CFTR: variants seen among roughly 807,000 people sequenced by gnomAD.
The protein encoded by CFTR is CF transmembrane conductance regulator.
In CFTR, 181 loss-of-function variants were observed where a neutral mutation model predicts 171.6. The observed-to-expected ratio is 1.05, with a 90% CI of 0.93 to 1.19. The LOEUF (loss-of-function observed/expected upper bound fraction) is 1.19. Among genes scored for constraint, CFTR ranks in the 50% most tolerant of loss-of-function variants. The pLI is 0.00. For synonymous variants in CFTR, 583 were observed against 608.0 expected, an observed-to-expected ratio of 0.96 and a Z score of 0.60; for missense variants, 1,968 against 1,734.7, an observed-to-expected ratio of 1.13 and a Z score of -2.39.
intron 1 of CFTR, among the ~76,000 whole-genome samples, chr7:117,488,144 A>T (rs189862686): frequency 1.7e-3 from 265 of 152,284 alleles, no homozygotes; most frequent in Admixed American, 2.6e-3. Context: ...TTTGTGGGCC[A>T]CATAAGTCTC....
intron 11 of CFTR, among the ~76,000 whole-genome samples, chr7:117,561,634 A>C (rs1378399284): frequency 6.6e-6 from 1 of 152,180 alleles, no homozygotes; most frequent in East Asian, 1.9e-4. Flanking sequence ...TCATTCAGCA[A>C]ATATTTATTA....
At chr7:117,620,642 G>T (rs1056608731) in intron 21 of CFTR, among the ~76,000 whole-genome samples, 5 of 152,106 alleles carry the variant, frequency 3.3e-5, no homozygotes, top group Admixed American at 2.0e-4. Context: ...CTAAGGGATT[G>T]CTAGAATGTT....
intron 25 of CFTR, among the ~76,000 whole-genome samples, 191 bp downstream of exon 25, chr7:117,665,051 C>T (rs533608013): frequency 5.9e-4 from 90 of 152,278 alleles, no homozygotes; most frequent in Non-Finnish European, 1.1e-3. Flanking sequence ...TGTTTTCTTC[C>T]GAAGATAGTT....
intron 9 of CFTR, among the ~76,000 whole-genome samples, chr7:117,546,435 T>C (rs558728069): frequency 6.6e-6 from 1 of 152,274 alleles, no homozygotes; most frequent in East Asian, 1.9e-4. Context: ...GCAGCTGACC[T>C]GTATATATGA....
chr7:117,646,584 C>T (rs756784633), intron 23 of CFTR, among the ~76,000 whole-genome samples: 2 of 151,964 alleles, frequency 1.3e-5, no homozygotes, highest in Middle Eastern at 3.2e-3. Context: ...CATGGCTTCA[C>T]GAGGAATGGG....
intron 24 of CFTR, among the ~76,000 whole-genome samples, chr7:117,655,749 A>G (rs1793156990): frequency 6.6e-6 from 1 of 152,154 alleles, no homozygotes; most frequent in Non-Finnish European, 1.5e-5. Context: ...GATGTCTTAT[A>G]AACAACAGTA....
chr7:117,561,356 T>G (rs75446482), intron 11 of CFTR, among the ~76,000 whole-genome samples: 2 of 152,188 alleles, frequency 1.3e-5, no homozygotes, highest in Non-Finnish European at 2.9e-5. Flanking sequence ...ATTTTTGAAG[T>G]GTACAATTCA....
chr7:117,666,961 C>G lies in CFTR; in HGVS notation c.4296C>G (p.Asn1432Lys), dbSNP rs761669740. The G allele has an allele frequency of 1.7e-5, 27 of 1,613,908 alleles. No individual in the cohort carries two copies. The highest frequency in any genetic ancestry group is 5.5e-5 in the South Asian group (5 of 91,076). ...RQYDSIQKLL[N>K]ERSLFRQAIS... The stretch of plus-strand genomic sequence containing the variant: ...ACGATTCCATCCAGAAACTGCTGAA[C>G]GAGAGGAGCCTCTTCCGGCAAGCCA... The change falls in exon 27 of 27, where the codon AAC becomes AAG. Residue 1432 changes from asparagine to lysine, a missense_variant. Coordinates refer to ENST00000003084, the MANE Select transcript of CFTR (RefSeq NM_000492.4).
chr7:117,492,050 GAA>G (rs894902461), intron 1 of CFTR, among the ~76,000 whole-genome samples: 1 of 152,024 alleles, frequency 6.6e-6, no homozygotes, highest in African/African-American at 2.4e-5. Flanking sequence ...AAGGTCATAA[GAA>G]AAAGGACCTT....
intron 24 of CFTR, among the ~76,000 whole-genome samples, chr7:117,653,627 G>A (rs181490477): frequency 7.9e-4 from 120 of 152,138 alleles, no homozygotes; most frequent in Middle Eastern, 6.8e-3. Flanking sequence ...GAGGTGGCGG[G>A]GGGGACACAA....
intron 20 of CFTR, among the ~76,000 whole-genome samples, chr7:117,612,395 GAAGAA>G (rs1430635440): frequency 6.6e-6 from 1 of 151,742 alleles, no homozygotes; most frequent in African/African-American, 2.4e-5. Context: ...AAAAGAAAAA[GAAGAA>G]AAGAAAGTGC....
At chr7:117,642,618 A>G (rs752037401) in intron 23 of CFTR, 25 bp downstream of exon 23, 2 of 1,611,720 alleles carry the variant, frequency 1.2e-6, no homozygotes, top group South Asian at 1.1e-5. Context: ...TTAGCCAGAA[A>G]AAAGGCAACT....
intron 11 of CFTR, among the ~76,000 whole-genome samples, chr7:117,578,569 G>A (rs990449256): frequency 6.6e-6 from 1 of 152,044 alleles, no homozygotes; most frequent in Non-Finnish European, 1.5e-5. Flanking sequence ...TGTTGTCCAA[G>A]GGCGTTGTCC....
At chr7:117,496,951 C>G (rs1376731134) in intron 1 of CFTR, among the ~76,000 whole-genome samples, 1 of 146,914 alleles carries the variant, frequency 6.8e-6, no homozygotes, top group Non-Finnish European at 1.5e-5. Flanking sequence ...TGTGGATTTT[C>G]TTTTCATTTT....
At chr7:117,556,288 C>T (rs1286405192) in intron 10 of CFTR, among the ~76,000 whole-genome samples, 2 of 151,874 alleles carry the variant, frequency 1.3e-5, no homozygotes, top group Non-Finnish European at 2.9e-5. Flanking sequence ...TGGTATTGAT[C>T]TCTTGACCTC....
intron 1 of CFTR, among the ~76,000 whole-genome samples, chr7:117,483,315 A>G (rs1451965057): frequency 1.3e-5 from 2 of 152,160 alleles, no homozygotes; most frequent in Non-Finnish European, 2.9e-5. Flanking sequence ...ATAAGTATAT[A>G]TTAGCCACAT....
At chr7:117,500,582 G>A (rs962074897) in intron 1 of CFTR, among the ~76,000 whole-genome samples, 23 of 151,928 alleles carry the variant, frequency 1.5e-4, no homozygotes, top group Non-Finnish European at 2.2e-4. Flanking sequence ...GAGCCACCGC[G>A]CCTGGCCTGA....
At chr7:117,612,228 C>T (rs997674280) in intron 20 of CFTR, among the ~76,000 whole-genome samples, 74 of 133,066 alleles carry the variant, frequency 5.6e-4, no homozygotes, top group African/African-American at 2.0e-3. Flanking sequence ...ATGAAACATC[C>T]GCATTTACAC....
At chr7:117,609,333 A>T (rs1178381392) in intron 18 of CFTR, among the ~76,000 whole-genome samples, 1 of 152,176 alleles carries the variant, frequency 6.6e-6, no homozygotes, top group African/African-American at 2.4e-5. Context: ...TATAAACCTG[A>T]TAATGGTCCC....
Sources: allele counts gnomAD v4.1 joint callset (sites outside exome capture counted in the v4.1 genomes callset), GRCh38; gene constraint gnomAD v4.1.1; transcripts MANE v1.5; gene names NCBI Gene and HGNC (gene_info 2026-07-23, HGNC 2026-07-21).